Variants in CCDC192 observed in about 807,000 individuals in gnomAD.
The protein encoded by CCDC192 is coiled-coil domain containing 192, also known as coiled-coil domain-containing protein 192.
At chr5:127,853,870 T>G (rs115046087) in intron 5 of CCDC192, among the ~76,000 whole-genome samples, 345 of 152,270 alleles carry the variant, frequency 2.3e-3, no homozygotes, top group African/African-American at 8.0e-3. Context: ...TAGTCCTTCT[T>G]AGAGATAACC....
At chr5:127,879,579 T>A (rs1752262170) in intron 6 of CCDC192, among the ~76,000 whole-genome samples, 1 of 51,924 alleles carries the variant, frequency 1.9e-5, no homozygotes, top group Non-Finnish European at 4.0e-5. Flanking sequence ...AAGACAAAAT[T>A]GACAAATGGG....
intron 5 of CCDC192, among the ~76,000 whole-genome samples, chr5:127,851,980 G>A (rs979476907): frequency 6.6e-6 from 1 of 152,182 alleles, no homozygotes; most frequent in Admixed American, 6.5e-5. Flanking sequence ...AATATTTATG[G>A]TAATGAAAAA....
chr5:127,883,576 C>T (rs1044011274), intron 6 of CCDC192, among the ~76,000 whole-genome samples: 1 of 152,220 alleles, frequency 6.6e-6, no homozygotes, highest in Admixed American at 6.5e-5. Context: ...CACTATATCC[C>T]TAAACCAAAA....
chr5:127,851,051 A>G (rs953317941), intron 5 of CCDC192, among the ~76,000 whole-genome samples: 5 of 152,278 alleles, frequency 3.3e-5, no homozygotes, highest in South Asian at 4.1e-4. Flanking sequence ...TGGTGCCACC[A>G]TGGAGGCTTT....
chr5:127,721,730 A>G (rs1487247564), intron 2 of CCDC192, among the ~76,000 whole-genome samples: 1 of 152,238 alleles, frequency 6.6e-6, no homozygotes, highest in Non-Finnish European at 1.5e-5. Flanking sequence ...TGATTGGCTC[A>G]TGGTTCCTCA....
At chr5:127,909,432 A>G (rs971959295) in intron 6 of CCDC192, among the ~76,000 whole-genome samples, 2 of 152,048 alleles carry the variant, frequency 1.3e-5, no homozygotes, top group Non-Finnish European at 2.9e-5. Context: ...GAGGTATTCC[A>G]TACTAGATTT....
intron 2 of CCDC192, among the ~76,000 whole-genome samples, chr5:127,725,907 G>T (rs1242985242): frequency 1.3e-5 from 2 of 152,060 alleles, no homozygotes; most frequent in Non-Finnish European, 2.9e-5. Flanking sequence ...GTATAAAATT[G>T]AAAGATTATT....
intron 5 of CCDC192, among the ~76,000 whole-genome samples, chr5:127,844,821 G>A (rs1045983172): frequency 6.6e-6 from 1 of 152,220 alleles, no homozygotes; most frequent in Non-Finnish European, 1.5e-5. Context: ...AGCTGACACC[G>A]TCAGCAGGTG....
chr5:127,835,192 G>A (rs1749979226), intron 5 of CCDC192, among the ~76,000 whole-genome samples: 1 of 151,998 alleles, frequency 6.6e-6, no homozygotes, highest in African/African-American at 2.4e-5. Context: ...AAATTTTACA[G>A]GAAATTTACA....
chr5:127,939,057 T>G (rs1042743916), intron 6 of CCDC192, among the ~76,000 whole-genome samples: 1 of 152,100 alleles, frequency 6.6e-6, no homozygotes, highest in South Asian at 2.1e-4. Context: ...TTTTTGAAAT[T>G]TGAGCTGTTT....
chr5:127,900,761 T>C (rs1490814590), intron 6 of CCDC192, among the ~76,000 whole-genome samples: 1 of 152,184 alleles, frequency 6.6e-6, no homozygotes, highest in African/African-American at 2.4e-5. Context: ...CCTAAAGGCC[T>C]AGGTAACAAG....
chr5:127,800,647 A>C (rs551546244), intron 5 of CCDC192, among the ~76,000 whole-genome samples: 114 of 152,286 alleles, frequency 7.5e-4, no homozygotes, highest in Non-Finnish European at 1.1e-3. Flanking sequence ...CAGGCTAAGA[A>C]TATACAAAGC....
At chr5:127,723,353 T>C (rs1469389825) in intron 2 of CCDC192, among the ~76,000 whole-genome samples, 1 of 152,224 alleles carries the variant, frequency 6.6e-6, no homozygotes, top group Non-Finnish European at 1.5e-5. Flanking sequence ...TAATAGCTAT[T>C]TTTTATGAAG....
At chr5:127,841,561 G>T (rs1230533574) in intron 5 of CCDC192, among the ~76,000 whole-genome samples, 1 of 152,098 alleles carries the variant, frequency 6.6e-6, no homozygotes, top group African/African-American at 2.4e-5. Flanking sequence ...AATGAAAGAG[G>T]CTTCATCTGT....
intron 3 of CCDC192, among the ~76,000 whole-genome samples, chr5:127,782,378 C>T (rs541637335): frequency 2.0e-5 from 3 of 151,754 alleles, no homozygotes; most frequent in Non-Finnish European, 4.4e-5. Context: ...GTTGGAATAG[C>T]GTCAATAGGA....
At position 127,905,387 on chromosome 5, in the gene CCDC192, G is replaced by C. The variant is rs550031299; in HGVS notation, c.535+29726G>C. The stretch of plus-strand genomic sequence containing the variant: ...TGGAAAAATATTGAATATTATTTAA[G>C]TGACTATTCCCTTTATTTGTGGTGT... On this transcript the variant is annotated intron_variant, in intron 6 of 6. Transcript: ENST00000514853. Among the ~76,000 whole-genome samples the C allele has an allele frequency of 5.0e-3, 760 of 152,222 alleles. 5 individuals are homozygous for C. Among genetic ancestry groups the C allele is most frequent in the Non-Finnish European group, 6.3e-3 (428 of 68,016 alleles).
intron 5 of CCDC192, among the ~76,000 whole-genome samples, chr5:127,810,482 C>T (rs1363052933): frequency 2.6e-5 from 4 of 152,152 alleles, no homozygotes; most frequent in African/African-American, 9.7e-5. Context: ...GGTAGTCTAG[C>T]TGTATACCCA....
chr5:127,872,918 A>G (rs534356666), intron 5 of CCDC192, among the ~76,000 whole-genome samples: 3 of 152,332 alleles, frequency 2.0e-5, no homozygotes, highest in African/African-American at 4.8e-5. Flanking sequence ...GAAGAGACAG[A>G]ACATATAATC....
intron 3 of CCDC192, among the ~76,000 whole-genome samples, chr5:127,765,555 C>T (rs879218218): frequency 3.9e-5 from 6 of 152,116 alleles, no homozygotes; most frequent in Non-Finnish European, 7.3e-5. Flanking sequence ...GGTGTAAAAA[C>T]GTCCTGAGCA....
Sources: gnomAD v4.1 joint callset for allele counts (sites outside exome capture counted in the v4.1 genomes callset) on GRCh38, gnomAD v4.1.1 for gene constraint, MANE v1.5 for transcripts, NCBI Gene and HGNC (gene_info 2026-07-23, HGNC 2026-07-21) for gene names.